Variants in SNX19 observed in about 807,000 individuals in gnomAD.
SNX19 encodes sorting nexin-19.
Under a neutral mutation model 85.2 loss-of-function variants are expected in SNX19, and 60 were observed. The observed-to-expected ratio is 0.70, with a 90% CI of 0.57 to 0.87. The LOEUF is 0.87. Ranked by LOEUF, SNX19 falls within the 40% of genes least tolerant of loss-of-function variation. The probability of loss-of-function intolerance (pLI) is 0.00; values close to 1 mark genes in which losing one functional copy is unlikely to be tolerated. For synonymous variants in SNX19, 520 were observed against 470.0 expected (o/e 1.11, Z -1.38); for missense variants, 1,201 against 1,217.8 (o/e 0.99, Z 0.21).
At chr11:130,903,578 T>C (rs1172083725) in intron 7 of SNX19, among the ~76,000 whole-genome samples, 194 bp from the exon 8 acceptor site, 1 of 152,098 alleles carries the variant, frequency 6.6e-6, no homozygotes, top group African/African-American at 2.4e-5. Flanking sequence ...AGCATTTCTT[T>C]ACAATTTTTA....
intron 8 of SNX19, chr11:130,903,040 G>A (rs1271168059): frequency 3.7e-6 from 2 of 539,810 alleles, no homozygotes; most frequent in Non-Finnish European, 6.4e-6. Context: ...AGTACATTAT[G>A]CCAGAAGTCT....
rs975413396 is a variant in SNX19 at position 130,874,941 on chromosome 11, T to C, written c.*3481A>G. 6.6e-6 allele frequency among the ~76,000 whole-genome samples: 1 copy of C among 152,198 alleles called. No individual in the cohort carries two copies. Among genetic ancestry groups the C allele is most frequent in the South Asian group, 2.1e-4 (1 of 4,828 alleles). On this transcript the variant is annotated 3_prime_UTR_variant, in exon 11 of 11. Transcript: ENST00000265909. ...GGAATGTAAAATGGTCTAGTCACTATGGAAAACAGTATGAAGGTCTTCAAA... is the reference window on the plus strand; with the variant it reads ...GGAATGTAAAATGGTCTAGTCACTACGGAAAACAGTATGAAGGTCTTCAAA...
chr11:130,885,679 A>C (rs1944008598), intron 8 of SNX19, among the ~76,000 whole-genome samples: 1 of 152,220 alleles, frequency 6.6e-6, no homozygotes, highest in East Asian at 1.9e-4. Flanking sequence ...GTGCAGTCTA[A>C]ATATAAGGAA....
chr11:130,870,454 A>G lies in SNX19; in HGVS notation c.*7968T>C, dbSNP rs190651272. ...AAACATTTGAGTAATGGATTTCTTTACCTCACCTAAACAGATCCACTGAAA... is the reference window on the plus strand; with the variant it reads ...AAACATTTGAGTAATGGATTTCTTTGCCTCACCTAAACAGATCCACTGAAA... On this transcript the variant is annotated 3_prime_UTR_variant, in exon 11 of 11. Transcript: ENST00000265909. 1.3e-4 allele frequency among the ~76,000 whole-genome samples: 20 copies of G among 152,314 alleles called. 1 individual carries two copies. Among genetic ancestry groups the G allele is most frequent in the Non-Finnish European group, 2.8e-4 (19 of 68,016 alleles).
intron 4 of SNX19, 48 bp from the exon 5 acceptor site, chr11:130,908,131 G>A (rs1414911008): frequency 6.2e-7 from 1 of 1,601,034 alleles, no homozygotes; most frequent in Admixed American, 1.7e-5. Flanking sequence ...TCCACAGATG[G>A]AAACCGCCAA....
chr11:130,902,070 A>G (rs981458527), intron 8 of SNX19, among the ~76,000 whole-genome samples: 1 of 152,234 alleles, frequency 6.6e-6, no homozygotes, highest in Non-Finnish European at 1.5e-5. Context: ...AAGATACATG[A>G]AAAAAGCACA....
Position 130,892,123 on chromosome 11 carries a change from C to T in SNX19, c.2573+11132G>A, listed in dbSNP as rs566386837. On this transcript the variant is annotated intron_variant, in intron 8 of 10. Transcript: ENST00000265909. ...CCTCCCAAAGTGCTGGGATTACAGG[C>T]ATGAGCCACTGCGCCCGGCCAATCT... Among the ~76,000 whole-genome samples, 11 of 150,984 alleles carry T rather than the reference C, an allele frequency of 7.3e-5. No individual in the cohort carries two copies. The East Asian group carries it at 1.4e-3, about 19-fold the overall frequency.
chr11:130,910,453 A>G, intron 2 of SNX19, 83 bp from the exon 3 acceptor site: 4 of 995,852 alleles, frequency 4.0e-6, no homozygotes, highest in Non-Finnish European at 4.4e-6. Context: ...TAAAGAAAAC[A>G]GAACTATTGA....
chr11:130,910,015 T>C lies in SNX19; in HGVS notation c.2034+3A>G. 1 of 1,612,960 alleles carries C rather than the reference T, an allele frequency of 6.2e-7. No homozygotes were observed. Among genetic ancestry groups the C allele is most frequent in the Non-Finnish European group, 8.5e-7 (1 of 1,180,016 alleles). On this transcript the variant is annotated splice_donor_region_variant and intron_variant, in intron 4 of 10. Coordinates refer to ENST00000265909, the MANE Select transcript of SNX19 (RefSeq NM_014758.3). The stretch of plus-strand genomic sequence containing the variant: ...AAGCTGAGCACAGTGGCCCTGCTGG[T>C]ACCTTGTCTATTCTAGAGACCATAA...
chr11:130,884,249 G>A (rs1486237035), intron 8 of SNX19, among the ~76,000 whole-genome samples: 10 of 152,126 alleles, frequency 6.6e-5, no homozygotes, highest in Admixed American at 5.9e-4. Flanking sequence ...GCTAGAGCAC[G>A]GAAGACAAAG....
Position 130,879,725 on chromosome 11 carries a change from AAC to A in SNX19, c.2759-16_2759-15del. The A allele has an allele frequency of 6.2e-7, 1 of 1,611,908 alleles. No individual in the cohort carries two copies. Among genetic ancestry groups the A allele is most frequent in the Non-Finnish European group, 8.5e-7 (1 of 1,178,164 alleles). ...CTACTACGAGATCTGAGGAGGAAAA[AAC>A]AGATGGAATTTGCGTGTTATCACTG... On this transcript the variant is annotated splice_polypyrimidine_tract_variant and intron_variant, in intron 9 of 10. Coordinates refer to ENST00000265909, the MANE Select transcript of SNX19 (RefSeq NM_014758.3).
At chr11:130,882,206 C>G (rs1247697127) in intron 8 of SNX19, among the ~76,000 whole-genome samples, 2 of 152,182 alleles carry the variant, frequency 1.3e-5, no homozygotes, top group African/African-American at 4.8e-5. Context: ...CTCCCCTTCA[C>G]CCACCTCATT....
chr11:130,874,167 C>T lies in SNX19; in HGVS notation c.*4255G>A, dbSNP rs1355155571. Among the ~76,000 whole-genome samples the T allele has an allele frequency of 2.6e-5, 4 of 152,072 alleles. No individual in the cohort carries two copies. Among genetic ancestry groups the T allele is most frequent in the Non-Finnish European group, 5.9e-5 (4 of 68,014 alleles). ...CCTCCCTAGTAGGTGGAACCACAGG[C>T]GAGAGCCACCATGCCCCGCTCATTT... On this transcript the variant is annotated 3_prime_UTR_variant, in exon 11 of 11. Transcript: ENST00000265909.
intron 4 of SNX19, among the ~76,000 whole-genome samples, chr11:130,909,005 GA>G (rs1289648983): frequency 6.6e-6 from 1 of 152,206 alleles, no homozygotes; most frequent in Admixed American, 6.5e-5. Flanking sequence ...AAGACTGGGG[GA>G]GAACAAACCA....
chr11:130,892,834 G>A (rs890959239), intron 8 of SNX19: 2 of 152,204 alleles, frequency 1.3e-5, no homozygotes, highest in African/African-American at 4.8e-5. Flanking sequence ...AGCAAGCCTG[G>A]CTCATTCTCA....
chr11:130,913,318 C>T (rs909590118), intron 1 of SNX19, among the ~76,000 whole-genome samples: 11 of 152,200 alleles, frequency 7.2e-5, no homozygotes, highest in Non-Finnish European at 1.5e-4. Flanking sequence ...TGAGGCTAGT[C>T]TCAGTTATTT....
At chr11:130,900,258 G>A (rs1403281993) in intron 8 of SNX19, among the ~76,000 whole-genome samples, 1 of 152,178 alleles carries the variant, frequency 6.6e-6, no homozygotes, top group Non-Finnish European at 1.5e-5. Flanking sequence ...AGCTATGATT[G>A]CAGTGCCACT....
intron 8 of SNX19, among the ~76,000 whole-genome samples, chr11:130,892,399 T>C (rs1259538781): frequency 6.6e-6 from 1 of 152,088 alleles, no homozygotes; most frequent in African/African-American, 2.4e-5. Flanking sequence ...CTTGCCTTTT[T>C]CACAAAGTTA....
At position 130,914,657 on chromosome 11, in the gene SNX19, G is replaced by A; in HGVS notation, c.1283C>T (p.Pro428Leu). 6.2e-7 allele frequency: 1 copy of A among 1,613,902 alleles called. No homozygotes were observed. ...ASEGAEAEEG[P>L]GTETETGLPV... ...CAGGCCTGTCTCTGTTTCTGTCCCTGGACCCTCCTCAGCCTCTGCTCCTTC... is the reference window on the plus strand; with the variant it reads ...CAGGCCTGTCTCTGTTTCTGTCCCTAGACCCTCCTCAGCCTCTGCTCCTTC... Residue 428 changes from proline to leucine, a missense_variant, in exon 1 of 11, where the codon CCA becomes CTA. By Grantham distance (98) the Pro-to-Leu change is moderately conservative (BLOSUM62 -3). Around this residue, in one of 3 missense-constraint regions of SNX19, gnomAD observed 791 missense variants for 750.9 expected, o/e 1.05. Transcript: ENST00000265909.
Sources: gnomAD v4.1 joint callset for allele counts (sites outside exome capture counted in the v4.1 genomes callset) on GRCh38, gnomAD v4.1.1 for gene constraint, gnomAD v4.1.1 regional missense constraint, MANE v1.5 for transcripts, NCBI Gene and HGNC (gene_info 2026-07-23, HGNC 2026-07-21) for gene names.